Variants in SLC36A1 observed in about 807,000 individuals in gnomAD.
SLC36A1 encodes the protein proton-coupled amino acid transporter 1.
Under a neutral mutation model 47.5 loss-of-function variants are expected in SLC36A1, and 30 were observed. The observed-to-expected ratio is 0.63, with a 90% CI of 0.47 to 0.86. The LOEUF is 0.86. Among genes scored for constraint, SLC36A1 ranks in the 40% least tolerant of loss-of-function variants. The pLI, the probability that SLC36A1 is intolerant of heterozygous loss-of-function variation, is 0.00. For missense variants in SLC36A1, 517 were observed against 606.0 expected (o/e 0.85, Z 1.54); for synonymous variants, 255 against 249.7 (o/e 1.02, Z -0.20).
At chr5:151,554,466 A>G in the SLC36A1 span, 1 of 1,614,208 alleles carries the variant, frequency 6.2e-7, no homozygotes, top group Non-Finnish European at 8.5e-7. Flanking sequence ...TCGATACTGT[A>G]GGTGACTCTG....
the SLC36A1 span, among the ~76,000 whole-genome samples, chr5:151,500,057 T>C: frequency 6.6e-6 from 1 of 152,186 alleles, no homozygotes. Flanking sequence ...TCCCCAAATC[T>C]GGGCCCCCTG....
the SLC36A1 span, chr5:151,543,319 G>T: frequency 6.2e-7 from 1 of 1,614,134 alleles, no homozygotes; most frequent in South Asian, 1.1e-5. Flanking sequence ...CTGGATAACC[G>T]GAGAGTCTTT....
the SLC36A1 span, among the ~76,000 whole-genome samples, chr5:151,374,748 T>C: frequency 6.6e-6 from 1 of 152,336 alleles, no homozygotes; most frequent in Non-Finnish European, 1.5e-5. Flanking sequence ...TGTTATATTT[T>C]GATTTCTTAA....
chr5:151,486,721 A>C (rs929647911), intron 10 of SLC36A1, among the ~76,000 whole-genome samples: 1 of 152,222 alleles, frequency 6.6e-6, no homozygotes, highest in Non-Finnish European at 1.5e-5. Context: ...TCAATGAGGT[A>C]GTAGATAAGC....
the SLC36A1 span, among the ~76,000 whole-genome samples, chr5:151,503,011 A>G: frequency 1.1e-3 from 167 of 148,462 alleles, 28 homozygotes; most frequent in African/African-American, 4.4e-3. Context: ...ATATGATTCC[A>G]ACTATATGAC....
At chr5:151,361,935 GT>G in the SLC36A1 span, among the ~76,000 whole-genome samples, 1 of 152,032 alleles carries the variant, frequency 6.6e-6, no homozygotes, top group Non-Finnish European at 1.5e-5. Context: ...TGAGAAGTCT[GT>G]TGCAAGATGA....
chr5:151,457,905 A>G (rs113101493), intron 1 of SLC36A1, among the ~76,000 whole-genome samples: 5,502 of 150,692 alleles, frequency 0.037, 115 homozygotes, highest in Non-Finnish European at 0.055. Flanking sequence ...CTGGAGTGCA[A>G]TGGCACGATC....
the SLC36A1 span, chr5:151,512,585 G>T: frequency 1.9e-6 from 3 of 1,610,666 alleles, no homozygotes; most frequent in East Asian, 2.2e-5. The surrounding 1 kb of genome is among the most constrained non-coding windows in gnomAD (Gnocchi z 4.1). Context: ...TGGTATTCCA[G>T]CTGGGGCACT....
the SLC36A1 span, chr5:151,549,624 C>G: frequency 1.4e-6 from 1 of 731,138 alleles, no homozygotes; most frequent in Non-Finnish European, 2.3e-6. Context: ...AACTAACTCC[C>G]CATATTCTTT....
the SLC36A1 span, chr5:151,505,790 G>A: frequency 6.2e-7 from 1 of 1,614,070 alleles, no homozygotes; most frequent in Non-Finnish European, 8.5e-7. Flanking sequence ...AGTGGTAGTA[G>A]CTGATGGCCG....
chr5:151,405,534 T>C, the SLC36A1 span, among the ~76,000 whole-genome samples: 1 of 152,016 alleles, frequency 6.6e-6, no homozygotes, highest in Admixed American at 6.6e-5. Flanking sequence ...CTCATTCAGC[T>C]TTCTTGCCGT....
the SLC36A1 span, chr5:151,505,572 A>G: frequency 1.9e-6 from 3 of 1,614,044 alleles, no homozygotes; most frequent in Non-Finnish European, 2.5e-6. Flanking sequence ...AAGCTAGAAC[A>G]TGACCTCCTC....
At chr5:151,381,455 G>T in the SLC36A1 span, 1 of 161,252 alleles carries the variant, frequency 6.2e-6, no homozygotes, top group Admixed American at 6.5e-5. Flanking sequence ...AACTTAGTTT[G>T]CAGTTTATAG....
chr5:151,372,801 C>T, the SLC36A1 span, among the ~76,000 whole-genome samples: 3 of 151,980 alleles, frequency 2.0e-5, no homozygotes, highest in East Asian at 5.8e-4. Context: ...AATCTGTGAA[C>T]TTGATGATAG....
chr5:151,429,723 C>T, the SLC36A1 span, among the ~76,000 whole-genome samples: 1 of 152,134 alleles, frequency 6.6e-6, no homozygotes, highest in African/African-American at 2.4e-5. Context: ...GTCTTAGCCA[C>T]ATGTTATCCT....
the SLC36A1 span, among the ~76,000 whole-genome samples, chr5:151,409,316 T>A: frequency 0.23 from 34,327 of 151,884 alleles, 4,101 homozygotes; most frequent in African/African-American, 0.28. Context: ...GTGGGGGGGA[T>A]AGATTTTCAT....
the SLC36A1 span, chr5:151,554,291 C>T: frequency 7.0e-7 from 1 of 1,430,670 alleles, no homozygotes; most frequent in Non-Finnish European, 9.6e-7. Flanking sequence ...TCTCCCTCCT[C>T]CTGAATTCTC....
the SLC36A1 span, chr5:151,540,807 T>C: frequency 5.8e-6 from 9 of 1,538,658 alleles, no homozygotes; most frequent in South Asian, 1.1e-4. Flanking sequence ...GCAATAGGAA[T>C]GAACTAGGCT....
the SLC36A1 span, among the ~76,000 whole-genome samples, chr5:151,407,552 G>A: frequency 6.6e-6 from 1 of 151,256 alleles, no homozygotes; most frequent in Non-Finnish European, 1.5e-5. Flanking sequence ...TAGACACAGA[G>A]CGCTGATTGG....
Sources: allele counts gnomAD v4.1 joint callset (sites outside exome capture counted in the v4.1 genomes callset), GRCh38; gene constraint gnomAD v4.1.1; non-coding constraint Gnocchi (gnomAD v3.1); transcripts MANE v1.5; gene names NCBI Gene and HGNC (gene_info 2026-07-23, HGNC 2026-07-21).